The following LRRC37A2 variants were observed in gnomAD, a reference collection of about 807,000 sequenced individuals.
The protein encoded by LRRC37A2 is leucine rich repeat containing 37 member A2, also known as leucine-rich repeat-containing protein 37A2.
LRRC37A2 carries 9 observed loss-of-function variants against 68.8 expected under a neutral mutation model. That is an observed-to-expected ratio of 0.13 (90% CI 0.08 to 0.23). The LOEUF is 0.23. Ranked by LOEUF, LRRC37A2 falls within the 10% of genes least tolerant of loss-of-function variation. The pLI is 1.00. For synonymous variants in LRRC37A2, 63 were observed against 367.6 expected, an observed-to-expected ratio of 0.17 and a Z score of 9.48; for missense variants, 168 against 950.4, an observed-to-expected ratio of 0.18 and a Z score of 10.82.
At chr17:46,807,800 G>T in the LRRC37A2 span, among the ~76,000 whole-genome samples, 1 of 152,168 alleles carries the variant, frequency 6.6e-6, no homozygotes, top group Non-Finnish European at 1.5e-5. Context: ...GATCAGGGAA[G>T]GTCCACACGG....
chr17:46,722,349 C>A, the LRRC37A2 span, among the ~76,000 whole-genome samples: 1 of 152,204 alleles, frequency 6.6e-6, no homozygotes, highest in Non-Finnish European at 1.5e-5. Flanking sequence ...ATCTTTGGAT[C>A]TAGAGCAAGC....
chr17:46,862,253 A>T, the LRRC37A2 span, among the ~76,000 whole-genome samples: 1 of 152,184 alleles, frequency 6.6e-6, no homozygotes, highest in Non-Finnish European at 1.5e-5. Context: ...CTTAAAAAAT[A>T]AAAATTAAAA....
chr17:46,977,430 C>T, the LRRC37A2 span, among the ~76,000 whole-genome samples: 4 of 152,222 alleles, frequency 2.6e-5, no homozygotes, highest in Middle Eastern at 3.2e-3. Context: ...CCCCAGGTCC[C>T]CCTGTCCCCA....
At chr17:46,839,985 CT>C in the LRRC37A2 span, among the ~76,000 whole-genome samples, 4 of 127,298 alleles carry the variant, frequency 3.1e-5, no homozygotes, top group African/African-American at 1.2e-4. Flanking sequence ...TCTCTTCTTT[CT>C]TTCTTTTTTC....
At chr17:46,551,392 G>A (rs2056802271) in intron 11 of LRRC37A2, among the ~76,000 whole-genome samples, 1 of 150,396 alleles carries the variant, frequency 6.6e-6, no homozygotes, top group Non-Finnish European at 1.5e-5. Flanking sequence ...AACCTTACTT[G>A]CCTCATTTAC....
the LRRC37A2 span, among the ~76,000 whole-genome samples, chr17:46,913,563 A>G: frequency 6.6e-6 from 1 of 152,228 alleles, no homozygotes; most frequent in African/African-American, 2.4e-5. Context: ...GGAACAGTGC[A>G]TACAAAGGCC....
the LRRC37A2 span, among the ~76,000 whole-genome samples, chr17:46,803,855 A>T: frequency 6.6e-6 from 1 of 152,248 alleles, no homozygotes; most frequent in Non-Finnish European, 1.5e-5. Context: ...TGTCTGGGCC[A>T]GATACTCCAG....
the LRRC37A2 span, chr17:46,923,548 C>G: frequency 7.5e-7 from 1 of 1,326,860 alleles, no homozygotes; most frequent in South Asian, 2.4e-5. Context: ...CTCGGTGCTC[C>G]TGGTTGGTAG....
At chr17:46,839,957 TTTCTTTC>T in the LRRC37A2 span, among the ~76,000 whole-genome samples, 14 of 142,398 alleles carry the variant, frequency 9.8e-5, no homozygotes, top group South Asian at 2.9e-3. Context: ...TCTTTCTTTC[TTTCTTTC>T]TTTCTTTCTT....
At chr17:46,729,045 G>T in the LRRC37A2 span, 1 of 683,774 alleles carries the variant, frequency 1.5e-6, no homozygotes, top group Non-Finnish European at 2.3e-6. Flanking sequence ...AAATTCTGTT[G>T]TTGAAAGGAT....
At chr17:46,916,473 A>T in the LRRC37A2 span, among the ~76,000 whole-genome samples, 1 of 152,222 alleles carries the variant, frequency 6.6e-6, no homozygotes, top group Non-Finnish European at 1.5e-5. Flanking sequence ...TCAAGAGAAG[A>T]TGTGGTTGGA....
chr17:46,609,843 T>TTTG, the LRRC37A2 span, among the ~76,000 whole-genome samples: 1 of 141,340 alleles, frequency 7.1e-6, no homozygotes. Flanking sequence ...TTTTTTTTTT[T>TTTG]GAGATAGGGT....
the LRRC37A2 span, among the ~76,000 whole-genome samples, chr17:46,733,488 CTT>C: frequency 1.3e-5 from 2 of 152,198 alleles, no homozygotes; most frequent in Non-Finnish European, 2.9e-5. Context: ...GGGTTTGACA[CTT>C]TTGTGCATCA....
At chr17:46,710,153 C>A in the LRRC37A2 span, among the ~76,000 whole-genome samples, 1 of 152,086 alleles carries the variant, frequency 6.6e-6, no homozygotes, top group Admixed American at 6.5e-5. Flanking sequence ...TCTCAAGATA[C>A]ATGATCTTTA....
chr17:46,725,061 C>T, the LRRC37A2 span, among the ~76,000 whole-genome samples: 1 of 152,114 alleles, frequency 6.6e-6, no homozygotes, highest in African/African-American at 2.4e-5. Context: ...GTAATTAAGA[C>T]AGCACTTGCC....
chr17:46,743,549 T>A, the LRRC37A2 span, among the ~76,000 whole-genome samples: 1 of 152,248 alleles, frequency 6.6e-6, no homozygotes, highest in Non-Finnish European at 1.5e-5. Context: ...TGATGGGGCC[T>A]CTACTTCTGT....
At chr17:47,013,861 G>A in the LRRC37A2 span, among the ~76,000 whole-genome samples, 1 of 152,216 alleles carries the variant, frequency 6.6e-6, no homozygotes, top group Non-Finnish European at 1.5e-5. Context: ...AGGGCTGGGC[G>A]CGGTGGCTCA....
At chr17:46,474,116 C>T in the LRRC37A2 span, among the ~76,000 whole-genome samples, 1 of 104,946 alleles carries the variant, frequency 9.5e-6, no homozygotes, top group Non-Finnish European at 2.1e-5. Context: ...GTGGTGCAGT[C>T]TCGGCTCACT....
the LRRC37A2 span, among the ~76,000 whole-genome samples, chr17:46,606,049 C>CAT: frequency 3.0e-5 from 3 of 100,292 alleles, no homozygotes; most frequent in Admixed American, 1.1e-4. Flanking sequence ...TGTGGTGGCG[C>CAT]ATGCCTGTAA....
Sources: gnomAD v4.1 joint callset for allele counts (sites outside exome capture counted in the v4.1 genomes callset) on GRCh38, gnomAD v4.1.1 for gene constraint, MANE v1.5 for transcripts, NCBI Gene and HGNC (gene_info 2026-07-23, HGNC 2026-07-21) for gene names.